IDO2: variants seen among roughly 807,000 people sequenced by gnomAD.
IDO2 encodes the protein indoleamine 2,3-dioxygenase 2, also known as indoleamine 2,3-dioxygenase-like 1 protein.
Under a neutral mutation model 45.1 loss-of-function variants are expected in IDO2, and 46 were observed. The observed-to-expected ratio is 1.02, with a 90% CI of 0.80 to 1.30. IDO2 has a LOEUF of 1.30. Among genes scored for constraint, IDO2 ranks in the 50% most tolerant of loss-of-function variants. IDO2 has a pLI of 0.00. For missense variants in IDO2, 544 were observed against 491.8 expected (o/e 1.11, Z -1.00); for synonymous variants, 218 against 184.9 (o/e 1.18, Z -1.45).
chr8:39,972,649 A>C (rs1189287059), intron 3 of IDO2, among the ~76,000 whole-genome samples: 3 of 137,004 alleles, frequency 2.2e-5, no homozygotes, highest in Non-Finnish European at 4.8e-5. Context: ...CTACTGGGGA[A>C]AAAATGCTAA....
chr8:39,992,766 T>C (rs1008976275), intron 8 of IDO2, among the ~76,000 whole-genome samples: 1 of 152,174 alleles, frequency 6.6e-6, no homozygotes, highest in Non-Finnish European at 1.5e-5. Flanking sequence ...CAATTGCTTC[T>C]TTCAGAGCCC....
intron 2 of IDO2, among the ~76,000 whole-genome samples, chr8:39,961,385 C>T (rs1329794994): frequency 4.4e-5 from 6 of 135,868 alleles, no homozygotes; most frequent in East Asian, 4.8e-4. Flanking sequence ...TGCAGTGGTA[C>T]GATCTTGGCT....
intron 2 of IDO2, among the ~76,000 whole-genome samples, chr8:39,954,911 C>T (rs563906811): frequency 6.6e-5 from 10 of 151,764 alleles, no homozygotes; most frequent in African/African-American, 2.4e-4. Flanking sequence ...CGCACCTCGG[C>T]CTCTCAAAGT....
chr8:39,953,095 G>A (rs1167196554), intron 2 of IDO2, among the ~76,000 whole-genome samples: 1 of 151,974 alleles, frequency 6.6e-6, no homozygotes, highest in African/African-American at 2.4e-5. Context: ...GTAGAGACAG[G>A]GTTTCACCAT....
At chr8:39,991,478 A>G (rs890842922) in intron 8 of IDO2, among the ~76,000 whole-genome samples, 3 of 152,092 alleles carry the variant, frequency 2.0e-5, no homozygotes, top group Admixed American at 6.6e-5. Context: ...AAACCTTCCA[A>G]CAGGTCCCAG....
intron 3 of IDO2, 121 bp from the exon 4 acceptor site, chr8:39,978,946 A>C: frequency 1.1e-6 from 1 of 896,434 alleles, no homozygotes; most frequent in Non-Finnish European, 1.7e-6. Context: ...TACCTTCATT[A>C]AAATATAACC....
intron 3 of IDO2, among the ~76,000 whole-genome samples, chr8:39,972,636 G>T (rs987609449): frequency 1.0e-3 from 68 of 65,494 alleles, no homozygotes; most frequent in African/African-American, 3.1e-3. Flanking sequence ...AAAAAAAAAA[G>T]TTCTACTGGG....
chr8:39,940,172 GT>G (rs1214356541), intron 1 of IDO2, among the ~76,000 whole-genome samples: 1 of 152,180 alleles, frequency 6.6e-6, no homozygotes, highest in Non-Finnish European at 1.5e-5. Context: ...ACAGCCCTGA[GT>G]TTCTTACTGC....
intron 9 of IDO2, among the ~76,000 whole-genome samples, chr8:40,010,614 G>C (rs368058618): frequency 6.6e-6 from 1 of 152,160 alleles, no homozygotes; most frequent in Non-Finnish European, 1.5e-5. Flanking sequence ...TAAAGGTGTT[G>C]AGAAATGGTC....
At chr8:39,944,050 T>C (rs1338023994) in intron 1 of IDO2, among the ~76,000 whole-genome samples, 1 of 151,964 alleles carries the variant, frequency 6.6e-6, no homozygotes, top group African/African-American at 2.4e-5. Context: ...GAAACCTGCG[T>C]GAGAACGGTT....
chr8:39,966,676 C>T (rs1808089386), intron 3 of IDO2, among the ~76,000 whole-genome samples: 1 of 152,168 alleles, frequency 6.6e-6, no homozygotes, highest in Non-Finnish European at 1.5e-5. Context: ...TATTAATTGC[C>T]TTAGACCCAT....
At chr8:39,981,295 C>T (rs554629874) in intron 4 of IDO2, among the ~76,000 whole-genome samples, 10 of 151,722 alleles carry the variant, frequency 6.6e-5, no homozygotes, top group Non-Finnish European at 1.2e-4. Flanking sequence ...CTCTTGACCT[C>T]GTGATCTGCC....
At chr8:40,009,913 T>C (rs2129595510) in intron 9 of IDO2, among the ~76,000 whole-genome samples, 1 of 152,322 alleles carries the variant, frequency 6.6e-6, no homozygotes, top group East Asian at 1.9e-4. Flanking sequence ...AGGATGTTAT[T>C]TTTAAATCAT....
chr8:39,975,159 G>GTTTTTTTTTTTTTTTTTTT (rs368341548), intron 3 of IDO2, among the ~76,000 whole-genome samples: 2 of 142,520 alleles, frequency 1.4e-5, no homozygotes, highest in Non-Finnish European at 3.0e-5. Flanking sequence ...CAACATTGGA[G>GTTTTTTTTTTTTTTTTTTT]TTTTTTTTTT....
intron 2 of IDO2, among the ~76,000 whole-genome samples, chr8:39,955,251 CTTTTTTTTTT>C (rs34726763): frequency 1.0e-5 from 1 of 97,022 alleles, no homozygotes; most frequent in African/African-American, 3.6e-5. Flanking sequence ...TAATATTTGC[CTTTTTTTTTT>C]TTTTTTTTTT....
intron 3 of IDO2, among the ~76,000 whole-genome samples, chr8:39,964,198 A>C (rs1585402722): frequency 6.6e-6 from 1 of 152,314 alleles, no homozygotes; most frequent in East Asian, 1.9e-4. Context: ...ATTCCACACA[A>C]GTGTTGATTA....
chr8:39,964,783 A>G (rs181391292), intron 3 of IDO2, among the ~76,000 whole-genome samples: 135 of 152,398 alleles, frequency 8.9e-4, no homozygotes, highest in African/African-American at 3.0e-3. Flanking sequence ...CTGTAAACAC[A>G]GAAAAATAGA....
At chr8:40,010,409 G>A (rs1052101739) in intron 9 of IDO2, among the ~76,000 whole-genome samples, 4 of 152,156 alleles carry the variant, frequency 2.6e-5, no homozygotes, top group Non-Finnish European at 5.9e-5. Flanking sequence ...AGCTTTGTCA[G>A]CTTCTTTTCT....
At chr8:39,949,183 G>C (rs762693287) in exon 2 of IDO2, 1 of 1,608,232 alleles carries the variant, frequency 6.2e-7, no homozygotes, top group South Asian at 1.1e-5. Flanking sequence ...CCCACAGACC[G>C]AATGTGAAGA....
Sources: allele counts gnomAD v4.1 joint callset (sites outside exome capture counted in the v4.1 genomes callset), GRCh38; gene constraint gnomAD v4.1.1; transcripts MANE v1.5; gene names NCBI Gene and HGNC (gene_info 2026-07-23, HGNC 2026-07-21).